Variants in MRAP2 observed in about 807,000 individuals in gnomAD.
MRAP2 encodes melanocortin 2 receptor accessory protein 2.
MRAP2 carries 20 observed loss-of-function variants against 17.4 expected under a neutral mutation model. That is an observed-to-expected ratio of 1.15 (90% CI 0.81 to 1.67). The LOEUF is 1.67. Among genes scored for constraint, MRAP2 ranks in the 40% most tolerant of loss-of-function variants. The probability of loss-of-function intolerance (pLI) is 0.00; values close to 1 mark genes in which losing one functional copy is unlikely to be tolerated. For synonymous variants in MRAP2, 96 were observed against 88.4 expected (o/e 1.09, Z -0.48); for missense variants, 238 against 240.0 (o/e 0.99, Z 0.05).
At chr6:84,045,210 C>G in intron 1 of MRAP2, 1 of 985,278 alleles carries the variant, frequency 1.0e-6, no homozygotes, top group Non-Finnish European at 1.2e-6. Context: ...TATATATATA[C>G]ACAATGAATG....
chr6:84,059,308 C>T (rs1290618043), intron 2 of MRAP2, among the ~76,000 whole-genome samples: 1 of 152,158 alleles, frequency 6.6e-6, no homozygotes, highest in Non-Finnish European at 1.5e-5. Flanking sequence ...CTAGAGTTTG[C>T]AAAGGCTTGG....
chr6:84,136,111 T>G, the MRAP2 span, among the ~76,000 whole-genome samples: 30 of 152,348 alleles, frequency 2.0e-4, 1 homozygote, highest in South Asian at 6.0e-3. Context: ...TGTTCAGGTG[T>G]TCATGTGATG....
chr6:84,107,803 G>A, the MRAP2 span, among the ~76,000 whole-genome samples: 1 of 152,218 alleles, frequency 6.6e-6, no homozygotes, highest in South Asian at 2.1e-4. Context: ...CAGATTAATA[G>A]CTGCATACAG....
chr6:84,040,482 A>G (rs1483385289), intron 1 of MRAP2, among the ~76,000 whole-genome samples: 1 of 152,218 alleles, frequency 6.6e-6, no homozygotes, highest in Non-Finnish European at 1.5e-5. Flanking sequence ...TGGAAGGCTC[A>G]GAAGAAGACA....
chr6:84,122,168 T>G, the MRAP2 span, among the ~76,000 whole-genome samples: 5 of 151,836 alleles, frequency 3.3e-5, no homozygotes, highest in Non-Finnish European at 7.4e-5. Context: ...TTATTGAAAC[T>G]ATTCCAAAAA....
At chr6:84,110,015 G>T in the MRAP2 span, among the ~76,000 whole-genome samples, 8 of 152,214 alleles carry the variant, frequency 5.3e-5, no homozygotes, top group East Asian at 1.5e-3. Flanking sequence ...TGGGCATTTG[G>T]GTTGGTTCCA....
At chr6:84,058,066 T>TG (rs903986131) in intron 2 of MRAP2, among the ~76,000 whole-genome samples, 23 of 151,884 alleles carry the variant, frequency 1.5e-4, no homozygotes, top group African/African-American at 5.1e-4. Context: ...GACAAGGACA[T>TG]GGGGGGGCCT....
chr6:84,040,779 T>C (rs2099487338), intron 1 of MRAP2, among the ~76,000 whole-genome samples: 1 of 152,180 alleles, frequency 6.6e-6, no homozygotes, highest in Non-Finnish European at 1.5e-5. Flanking sequence ...ATTTAGGGTG[T>C]CTGGTAGAAG....
the MRAP2 span, among the ~76,000 whole-genome samples, chr6:84,103,802 T>A: frequency 6.6e-6 from 1 of 152,214 alleles, no homozygotes; most frequent in Non-Finnish European, 1.5e-5. Context: ...ATTGGTACCA[T>A]GACCATAAGT....
chr6:84,068,310 C>T (rs1386173293), intron 3 of MRAP2, among the ~76,000 whole-genome samples: 1 of 152,082 alleles, frequency 6.6e-6, no homozygotes, highest in East Asian at 1.9e-4. Context: ...AGTTTGAAAC[C>T]AGATAGTATG....
At chr6:84,135,583 C>A in the MRAP2 span, among the ~76,000 whole-genome samples, 1 of 152,178 alleles carries the variant, frequency 6.6e-6, no homozygotes, top group Non-Finnish European at 1.5e-5. Flanking sequence ...CAAGCCTGGG[C>A]TGGTCGTGGT....
chr6:84,033,786 GGGCGGTGGGAGGC>G lies in MRAP2; in HGVS notation c.-99_-87del. 2 of 987,060 alleles carry G rather than the reference GGGCGGTGGGAGGC, an allele frequency of 2.0e-6. No homozygotes were observed. Among genetic ancestry groups the G allele is most frequent in the Non-Finnish European group, 2.4e-6 (2 of 830,996 alleles). The allele number at this position is 987,060 out of a possible 1,614,324, so 61.1% of individuals were successfully genotyped here. A position where few individuals can be genotyped will look rare whatever the true frequency, so the allele number is the denominator to read the frequency against. On this transcript the variant is annotated 5_prime_UTR_variant, in exon 1 of 4. Transcript: ENST00000257776. Reference sequence around the variant, plus strand: ...ATCTAGGAGCTACTCGCCCGGCCCTGGGCGGTGGGAGGCGGCGGCGGCGGCGGCGCTCGCGCAC... The same window carrying G: ...ATCTAGGAGCTACTCGCCCGGCCCTGGGCGGCGGCGGCGGCGCTCGCGCAC...
chr6:84,119,360 G>A, the MRAP2 span, among the ~76,000 whole-genome samples: 1 of 151,660 alleles, frequency 6.6e-6, no homozygotes, highest in Non-Finnish European at 1.5e-5. Context: ...CTAAGTTTTT[G>A]TTGTTGTTGT....
chr6:84,066,332 A>C (rs1556111), intron 3 of MRAP2, among the ~76,000 whole-genome samples: 23,530 of 152,200 alleles, frequency 0.15, 1,852 homozygotes, highest in Middle Eastern at 0.27. Context: ...TAAGCACAAT[A>C]TGACACAGTA....
chr6:84,074,958 C>T lies in MRAP2; in HGVS notation c.227+11966C>T, dbSNP rs141862450. On this transcript the variant is annotated intron_variant, in intron 3 of 3. Coordinates refer to ENST00000257776, the MANE Select transcript of MRAP2 (RefSeq NM_138409.4). ...CTAACTACTTAGTGGCTTCTGTTAA[C>T]GGGGGAAATATGTGCTAGGCTAGGC... Among the ~76,000 whole-genome samples, 15 of 152,184 alleles carry T rather than the reference C, an allele frequency of 9.9e-5. No homozygotes were observed. The East Asian group carries it at 1.7e-3, about 18-fold the overall frequency.
intron 3 of MRAP2, 100 bp downstream of exon 3, chr6:84,063,092 G>GA: frequency 1.3e-6 from 2 of 1,557,616 alleles, no homozygotes; most frequent in Non-Finnish European, 1.7e-6. Context: ...TGGATGAAGA[G>GA]AAGGGGGTGG....
At chr6:84,063,127 G>T in intron 3 of MRAP2, 135 bp downstream of exon 3, 1 of 1,466,484 alleles carries the variant, frequency 6.8e-7, no homozygotes, top group Non-Finnish European at 9.0e-7. Flanking sequence ...TCTGGACCCA[G>T]ATGCCCGTGG....
intron 3 of MRAP2, among the ~76,000 whole-genome samples, chr6:84,070,380 A>G (rs2099495921): frequency 6.6e-6 from 1 of 152,080 alleles, no homozygotes; most frequent in Non-Finnish European, 1.5e-5. Context: ...AGGTGATTTA[A>G]TTTCCATGTA....
intron 1 of MRAP2, among the ~76,000 whole-genome samples, chr6:84,040,272 T>A (rs2099487178): frequency 1.3e-5 from 2 of 152,346 alleles, no homozygotes; most frequent in South Asian, 4.1e-4. Flanking sequence ...TCCTGAGGCC[T>A]CCCTAGCCCT....
Sources: allele counts gnomAD v4.1 joint callset (sites outside exome capture counted in the v4.1 genomes callset), GRCh38; gene constraint gnomAD v4.1.1; transcripts MANE v1.5; gene names NCBI Gene and HGNC (gene_info 2026-07-23, HGNC 2026-07-21).